The following EVC2 variants were observed in gnomAD, a reference collection of about 807,000 sequenced individuals.
EVC2 encodes the protein EvC ciliary complex subunit 2.
EVC2 carries 148 observed loss-of-function variants against 149.3 expected under a neutral mutation model. The observed-to-expected ratio is 0.99, with a 90% CI of 0.87 to 1.14. EVC2 has a LOEUF of 1.14. Ranked by LOEUF, EVC2 falls within the 50% of genes most tolerant of loss-of-function variation. The pLI is 0.00. For synonymous variants in EVC2, 776 were observed against 649.9 expected (o/e 1.19, Z -2.95); for missense variants, 1,854 against 1,627.3 (o/e 1.14, Z -2.40).
chr4:5,583,121 G>A (rs1158627218), intron 17 of EVC2, among the ~76,000 whole-genome samples: 1 of 87,722 alleles, frequency 1.1e-5, no homozygotes, highest in Non-Finnish European at 3.7e-5. Context: ...ATGATCACAT[G>A]AGTCACTCCC....
chr4:5,634,696 G>A (rs894355990), intron 10 of EVC2, among the ~76,000 whole-genome samples: 3 of 152,150 alleles, frequency 2.0e-5, no homozygotes, highest in African/African-American at 7.2e-5. Flanking sequence ...CCTTGCAGAT[G>A]TGAGTTCCAC....
Position 5,694,411 on chromosome 4 carries a change from T to G in EVC2, c.374A>C (p.His125Pro). 2.5e-6 allele frequency: 4 copies of G among 1,614,150 alleles called. No homozygotes were observed. The highest frequency in any genetic ancestry group is 3.4e-6 in the Non-Finnish European group (4 of 1,180,016). Residue 125 changes from histidine (H) to proline (P), a missense_variant, in exon 3 of 22, where the codon CAT becomes CCT. By Grantham distance (77) the His-to-Pro change is moderately conservative. Transcript: ENST00000344408. ...GGAGGGTATAAAAGCAAATAAGGAATGAGCCCATGGCCCACTAGAGGCTGC... is the reference window on the plus strand; with the variant it reads ...GGAGGGTATAAAAGCAAATAAGGAAGGAGCCCATGGCCCACTAGAGGCTGC... ...TSAASSGPWA[H>P]SLFAFIPSWP...
At chr4:5,597,132 G>T (rs1360693496) in intron 16 of EVC2, among the ~76,000 whole-genome samples, 2 of 152,174 alleles carry the variant, frequency 1.3e-5, no homozygotes, top group African/African-American at 4.8e-5. Context: ...AATTCTACCA[G>T]AGGTAGAAGG....
At chr4:5,610,637 T>C (rs2108821875) in intron 16 of EVC2, among the ~76,000 whole-genome samples, 1 of 152,146 alleles carries the variant, frequency 6.6e-6, no homozygotes. Context: ...CTCAGGGCAT[T>C]GCAGACCTCC....
chr4:5,535,642 A>AGAG, the EVC2 span, among the ~76,000 whole-genome samples: 1 of 151,594 alleles, frequency 6.6e-6, no homozygotes. This position sits in a 1 kb window ranked among gnomAD's most constrained non-coding sequence, Gnocchi z 4.7. Flanking sequence ...AGAAAGAGAT[A>AGAG]ATCTCCTGTT....
chr4:5,655,648 G>A (rs1029650945), intron 9 of EVC2, among the ~76,000 whole-genome samples: 6 of 151,844 alleles, frequency 4.0e-5, no homozygotes, highest in African/African-American at 9.7e-5. Context: ...CACAACTCGC[G>A]CATCACAGAC....
rs1473256068 is a variant in EVC2 at position 5,686,055 on chromosome 4, T to C, written c.707-576A>G. On this transcript the variant is annotated intron_variant, in intron 5 of 21. Transcript: ENST00000344408. The surrounding 1 kb of genome is among the most constrained non-coding windows in gnomAD (Gnocchi z 5.4). Reference sequence around the variant, plus strand: ...CCTCAAAAATATATATAGATACATATATACACACATATATAACATATATAC... The same window carrying C: ...CCTCAAAAATATATATAGATACATACATACACACATATATAACATATATAC... 6.6e-6 allele frequency among the ~76,000 whole-genome samples: 1 copy of C among 151,304 alleles called. No individual in the cohort carries two copies. The highest frequency in any genetic ancestry group is 1.5e-5 in the Non-Finnish European group (1 of 67,956).
chr4:5,676,388 T>TA (rs1016429221), intron 7 of EVC2, among the ~76,000 whole-genome samples: 7 of 152,126 alleles, frequency 4.6e-5, no homozygotes, highest in Admixed American at 1.3e-4. Context: ...AAGCCTCACA[T>TA]CTTTACCTTG....
intron 16 of EVC2, 96 bp downstream of exon 16, chr4:5,615,326 A>G: frequency 6.3e-7 from 1 of 1,590,720 alleles, no homozygotes; most frequent in Non-Finnish European, 8.6e-7. Context: ...TGGATGGCAC[A>G]GCCCCAAGGG....
chr4:5,556,934 G>T (rs1473831141), intron 21 of EVC2, among the ~76,000 whole-genome samples: 1 of 151,846 alleles, frequency 6.6e-6, no homozygotes, highest in Non-Finnish European at 1.5e-5. Flanking sequence ...ATCTATAATT[G>T]GTACCCTTCC....
chr4:5,640,914 G>T lies in EVC2; in HGVS notation c.1146-76C>A. ...AACCAAAGGTCTTTCAAAGCTCTGA[G>T]GTTTTCATTTATGTGTAGGCAAGGG... On this transcript the variant is annotated intron_variant, in intron 9 of 21. Transcript: ENST00000344408. The surrounding 1 kb of genome is among the most constrained non-coding windows in gnomAD (Gnocchi z 4.6). 1 of 1,555,892 alleles carries T rather than the reference G, an allele frequency of 6.4e-7. No homozygotes were observed.
chr4:5,695,863 T>C (rs1309050148), intron 2 of EVC2, among the ~76,000 whole-genome samples: 1 of 152,178 alleles, frequency 6.6e-6, no homozygotes, highest in African/African-American at 2.4e-5. Flanking sequence ...TTTCAAAATA[T>C]ATGCAGGAAA....
At chr4:5,692,873 CAAAAAAAAA>C (rs1162271018) in intron 3 of EVC2, among the ~76,000 whole-genome samples, 3 of 37,218 alleles carry the variant, frequency 8.1e-5, no homozygotes, top group Non-Finnish European at 1.7e-4. Context: ...GACTCCGTCT[CAAAAAAAAA>C]AAAAAAAAGA....
intron 17 of EVC2, among the ~76,000 whole-genome samples, chr4:5,578,829 G>A (rs867018410): frequency 1.1e-4 from 17 of 152,270 alleles, no homozygotes; most frequent in African/African-American, 2.2e-4. Context: ...CATCTGCTTC[G>A]GGATGGAGGG....
At chr4:5,676,218 A>T (rs774091486) in intron 7 of EVC2, among the ~76,000 whole-genome samples, 15 of 152,286 alleles carry the variant, frequency 9.8e-5, no homozygotes, top group South Asian at 4.2e-4. Flanking sequence ...AGGAGACAGA[A>T]AGGGGAAGAC....
intron 21 of EVC2, among the ~76,000 whole-genome samples, chr4:5,551,790 GCCGGTCTTTC>G (rs1459660263): frequency 1.3e-5 from 2 of 152,150 alleles, no homozygotes; most frequent in African/African-American, 2.4e-5. Flanking sequence ...AATCATGGGG[GCCGGTCTTTC>G]CCGTGCTGTT....
intron 17 of EVC2, 66 bp downstream of exon 17, chr4:5,584,557 G>T (rs1263091426): frequency 6.7e-7 from 1 of 1,490,328 alleles, no homozygotes; most frequent in Non-Finnish European, 9.2e-7. Flanking sequence ...CATAGAGGAA[G>T]ATGCAGAGGT....
intron 9 of EVC2, among the ~76,000 whole-genome samples, chr4:5,661,511 G>A (rs2108893041): frequency 6.6e-6 from 1 of 152,268 alleles, no homozygotes; most frequent in South Asian, 2.1e-4. Flanking sequence ...AACAGACACA[G>A]AACGAGGGTA....
intron 17 of EVC2, among the ~76,000 whole-genome samples, chr4:5,582,301 C>T (rs527754833): frequency 6.6e-6 from 1 of 152,354 alleles, no homozygotes; most frequent in South Asian, 2.1e-4. Context: ...GTCACAGGGG[C>T]TGAGCTGCCC....
Sources: gnomAD v4.1 joint callset for allele counts (sites outside exome capture counted in the v4.1 genomes callset) on GRCh38, gnomAD v4.1.1 for gene constraint, Gnocchi (gnomAD v3.1) non-coding constraint, MANE v1.5 for transcripts, NCBI Gene and HGNC (gene_info 2026-07-23, HGNC 2026-07-21) for gene names.